SUCLA2: variants seen among roughly 807,000 people sequenced by gnomAD.
The protein encoded by SUCLA2 is succinate-CoA ligase ADP-forming subunit beta, also known as succinate--CoA ligase [ADP-forming] subunit beta, mitochondrial.
A neutral mutation model predicts 54.8 loss-of-function variants in SUCLA2; 30 were observed. That is an observed-to-expected ratio of 0.55 (90% CI 0.41 to 0.74). The LOEUF (loss-of-function observed/expected upper bound fraction) is 0.74. Ranked by LOEUF, SUCLA2 falls within the 30% of genes least tolerant of loss-of-function variation. The pLI is 0.00. For missense variants in SUCLA2, 476 were observed against 562.9 expected (o/e 0.85, Z 1.56); for synonymous variants, 172 against 188.9 (o/e 0.91, Z 0.74).
chr13:47,982,773 A>C (rs1593497031), intron 4 of SUCLA2, among the ~76,000 whole-genome samples: 2 of 152,086 alleles, frequency 1.3e-5, no homozygotes, highest in East Asian at 3.9e-4. Flanking sequence ...AATATTCTGC[A>C]TACTGCCACA....
intron 4 of SUCLA2, 27 bp downstream of exon 4, chr13:47,988,514 G>C (rs187268157): frequency 1.1e-5 from 17 of 1,610,254 alleles, no homozygotes; most frequent in Non-Finnish European, 1.4e-5. Flanking sequence ...AATTTATCCC[G>C]TATGTATCAT....
chr13:47,980,213 G>A (rs576322116), intron 4 of SUCLA2, among the ~76,000 whole-genome samples: 2 of 152,126 alleles, frequency 1.3e-5, no homozygotes, highest in African/African-American at 2.4e-5. Flanking sequence ...TCAGGAGATC[G>A]AGACCATCCT....
intron 2 of SUCLA2, among the ~76,000 whole-genome samples, chr13:47,989,250 G>A (rs1381607520): frequency 2.1e-5 from 3 of 142,306 alleles, no homozygotes; most frequent in African/African-American, 2.6e-5. Context: ...TCGCTCTGTC[G>A]CCCAGGCTGG....
rs552235336 is a variant in SUCLA2, at chr13:47,963,963, A to C, written c.802+4632T>G. On this transcript the variant is annotated intron_variant, in intron 6 of 10. Transcript: ENST00000646932. ...ATGTAAAAGGCTTGCTCAAATAAAAATATGGGCATATCAAAAGGACAAAGG... is the reference window on the plus strand; with the variant it reads ...ATGTAAAAGGCTTGCTCAAATAAAACTATGGGCATATCAAAAGGACAAAGG... Among the ~76,000 whole-genome samples, 5 of 152,380 alleles carry C rather than the reference A, an allele frequency of 3.3e-5. No homozygotes were observed. The South Asian group carries it at 8.3e-4, about 25-fold the overall frequency.
intron 5 of SUCLA2, among the ~76,000 whole-genome samples, chr13:47,970,110 A>AC (rs1566086689): frequency 1.9e-3 from 27 of 13,854 alleles, no homozygotes; most frequent in South Asian, 0.018. Context: ...TCCCCCCCAC[A>AC]AAAAAAAAAA....
At chr13:47,971,553 T>G in intron 5 of SUCLA2, 1 of 260,708 alleles carries the variant, frequency 3.8e-6, no homozygotes, top group Non-Finnish European at 7.2e-6. Context: ...GGGGCTTTTT[T>G]TTAGTGGGGG....
chr13:47,973,932 C>A (rs141863319), intron 4 of SUCLA2, among the ~76,000 whole-genome samples: 1 of 151,830 alleles, frequency 6.6e-6, no homozygotes, highest in Non-Finnish European at 1.5e-5. Context: ...CATACCAGGG[C>A]CTGTCAGGGG....
rs755424599 is a variant in SUCLA2 at position 47,968,749 on chromosome 13, C to CT, written c.664-17dup. 1.9e-6 allele frequency: 3 copies of CT among 1,611,442 alleles called. No individual in the cohort carries two copies. Among genetic ancestry groups the CT allele is most frequent in the Non-Finnish European group, 2.5e-6 (3 of 1,179,540 alleles). On this transcript the variant is annotated splice_polypyrimidine_tract_variant and intron_variant, in intron 5 of 10. Coordinates refer to ENST00000646932, the MANE Select transcript of SUCLA2 (RefSeq NM_003850.3). ...TCTGTGCAAGCTGAAATCAATATGT[C>CT]TTTTTATTATAGGTAGTTTGCATAT...
chr13:47,949,064 T>TAC (rs749524295), intron 9 of SUCLA2, 36 bp from the exon 10 acceptor site: 1 of 1,589,094 alleles, frequency 6.3e-7, no homozygotes, highest in Non-Finnish European at 8.6e-7. Flanking sequence ...ATGTTTTAAA[T>TAC]ACACACACAA....
intron 2 of SUCLA2, 100 bp from the exon 3 acceptor site, chr13:47,989,081 A>C: frequency 8.4e-7 from 1 of 1,189,964 alleles, no homozygotes; most frequent in South Asian, 1.2e-5. Flanking sequence ...TTATTAAATC[A>C]AGTCTAATTT....
At position 47,968,942 on chromosome 13, in the gene SUCLA2, T is replaced by C. The variant is rs35316133; in HGVS notation, c.664-209A>G. Among the ~76,000 whole-genome samples, 5,358 of 152,328 alleles carry C rather than the reference T, an allele frequency of 0.035. 146 individuals are homozygous for C. Among genetic ancestry groups the C allele is most frequent in the Non-Finnish European group, 0.056 (3,810 of 68,020 alleles). On this transcript the variant is annotated intron_variant, in intron 5 of 10. Transcript: ENST00000646932. ...AAAGATAGATATTATGCCCATTTTA[T>C]AGATAAGAAAGAGATTCAGAGAGAT...
chr13:47,984,214 GAC>G (rs1304907251), intron 4 of SUCLA2, among the ~76,000 whole-genome samples: 63 of 138,418 alleles, frequency 4.6e-4, no homozygotes, highest in African/African-American at 1.4e-3. Context: ...TTTTTATTTT[GAC>G]ACAGTCTCAC....
intron 10 of SUCLA2, among the ~76,000 whole-genome samples, chr13:47,945,249 TA>T (rs35349385): frequency 0.75 from 63,475 of 85,132 alleles, 23,678 homozygotes; most frequent in East Asian, 0.94. Context: ...AACTCTGTCT[TA>T]AAAAAAAAAA....
Position 48,001,199 on chromosome 13 carries a change from G to A in SUCLA2, c.71C>T (p.Ala24Val), listed in dbSNP as rs201754135. Residue 24 changes from alanine to valine, a missense_variant, in exon 1 of 11, where the codon GCC (alanine) becomes GTC (valine). Physicochemically the swap from Ala to Val is moderately conservative, Grantham distance 64 (BLOSUM62 0). This residue lies in a region of SUCLA2 where 134 missense variants were observed against 118.7 expected (regional missense o/e 1.13). Coordinates refer to ENST00000646932, the MANE Select transcript of SUCLA2 (RefSeq NM_003850.3). The stretch of plus-strand genomic sequence containing the variant: ...CATTACCTGAGCAGCAGCCCGCTGG[G>A]CCGTCCGAGGCCGGTGGTTCCGAAG... ...ATLRNHRPRT[A>V]QRAAAQVLGS... 27 of 1,609,324 alleles carry A rather than the reference G, an allele frequency of 1.7e-5. No individual in the cohort carries two copies. The highest frequency in any genetic ancestry group is 2.0e-5 in the Non-Finnish European group (24 of 1,178,648).
rs182907556 is a variant in SUCLA2, at chr13:47,952,118, G to A, written c.1107+2022C>T. On this transcript the variant is annotated intron_variant, in intron 8 of 10. Transcript: ENST00000646932. Reference sequence around the variant, plus strand: ...CATCTCTTCTACTATTCTTACGAAGGTTCCCACTCACCTCTTTCAGTTCTT... The same window carrying A: ...CATCTCTTCTACTATTCTTACGAAGATTCCCACTCACCTCTTTCAGTTCTT... 1.6e-4 allele frequency among the ~76,000 whole-genome samples: 25 copies of A among 151,950 alleles called. No individual in the cohort carries two copies. The East Asian group carries it at 4.7e-3, about 28-fold the overall frequency.
chr13:47,997,074 C>G, intron 1 of SUCLA2, 51 bp from the exon 2 acceptor site: 2 of 1,593,604 alleles, frequency 1.3e-6, no homozygotes, highest in Non-Finnish European at 1.7e-6. Context: ...GGCAGTCACT[C>G]TTGCTAACTA....
intron 2 of SUCLA2, among the ~76,000 whole-genome samples, chr13:47,995,502 T>C (rs896758289): frequency 6.6e-6 from 1 of 152,190 alleles, no homozygotes; most frequent in South Asian, 2.1e-4. Context: ...ACATAGCTTA[T>C]ATGACAGTTT....
chr13:47,953,764 G>A (rs1251863783), intron 8 of SUCLA2, among the ~76,000 whole-genome samples: 2 of 151,482 alleles, frequency 1.3e-5, no homozygotes, highest in African/African-American at 4.9e-5. Context: ...TATCTTTTTT[G>A]TAAGCCTTAC....
intron 6 of SUCLA2, among the ~76,000 whole-genome samples, chr13:47,955,103 T>G (rs1303401706): frequency 1.3e-5 from 2 of 152,152 alleles, no homozygotes; most frequent in Non-Finnish European, 2.9e-5. Context: ...CCTTGAAGAT[T>G]TGTCTAATTA....
Sources: allele counts gnomAD v4.1 joint callset (sites outside exome capture counted in the v4.1 genomes callset), GRCh38; gene constraint gnomAD v4.1.1; regional missense constraint gnomAD v4.1.1; transcripts MANE v1.5; gene names NCBI Gene and HGNC (gene_info 2026-07-23, HGNC 2026-07-21).